Variants in TTC7A observed in about 807,000 individuals in gnomAD.
TTC7A encodes tetratricopeptide repeat domain 7A, also known as tetratricopeptide repeat protein 7A.
Under a neutral mutation model 103.7 loss-of-function variants are expected in TTC7A, and 110 were observed. That is an observed-to-expected ratio of 1.06 (90% CI 0.91 to 1.24). The LOEUF (loss-of-function observed/expected upper bound fraction) is 1.24, where lower values mean the gene tolerates loss of function less well. Ranked by LOEUF, TTC7A falls within the 50% of genes most tolerant of loss-of-function variation. The pLI is 0.00. For synonymous variants in TTC7A, 521 were observed against 467.9 expected (o/e 1.11, Z -1.47); for missense variants, 1,340 against 1,116.3 (o/e 1.20, Z -2.86).
intron 4 of TTC7A, among the ~76,000 whole-genome samples, chr2:46,978,575 A>AAAAAAAAAAG (rs59387934): frequency 6.6e-6 from 1 of 151,346 alleles, no homozygotes; most frequent in Non-Finnish European, 1.5e-5. Flanking sequence ...AAAAAAAAAA[A>AAAAAAAAAAG]GACAGAGGGC....
chr2:47,049,912 C>G (rs1224449276), intron 16 of TTC7A, 37 bp from the exon 17 acceptor site: 3 of 1,548,976 alleles, frequency 1.9e-6, no homozygotes, highest in East Asian at 2.2e-5. Flanking sequence ...TGCTAGCCCT[C>G]TACCTTACCG....
intron 3 of TTC7A, among the ~76,000 whole-genome samples, chr2:46,972,675 G>A (rs553163922): frequency 6.6e-6 from 1 of 152,370 alleles, no homozygotes; most frequent in African/African-American, 2.4e-5. Flanking sequence ...ACTGATAAAT[G>A]GGAAAGTGGG....
At chr2:46,951,963 G>C (rs1671455853) in intron 2 of TTC7A, among the ~76,000 whole-genome samples, 1 of 152,220 alleles carries the variant, frequency 6.6e-6, no homozygotes, top group East Asian at 1.9e-4. Context: ...ATGCTCTTTG[G>C]GGATAAGCAG....
chr2:47,015,705 T>C (rs2104511483), intron 11 of TTC7A, among the ~76,000 whole-genome samples: 1 of 152,320 alleles, frequency 6.6e-6, no homozygotes, highest in South Asian at 2.1e-4. Context: ...TTACAGCCCC[T>C]TGAAAATAGC....
chr2:47,047,475 T>C, intron 16 of TTC7A: 1 of 609,384 alleles, frequency 1.6e-6, no homozygotes, highest in Non-Finnish European at 2.9e-6. Context: ...AGAATGAGAA[T>C]TTGAAGCCAC....
intron 2 of TTC7A, among the ~76,000 whole-genome samples, chr2:46,924,236 CA>C (rs754779483): frequency 1.2e-3 from 167 of 142,364 alleles, no homozygotes; most frequent in Middle Eastern, 3.8e-3. Context: ...CTAAAGGAAC[CA>C]AAAAAAAAAA....
chr2:46,953,749 A>G (rs1300269330), intron 2 of TTC7A, among the ~76,000 whole-genome samples: 2 of 151,856 alleles, frequency 1.3e-5, no homozygotes, highest in African/African-American at 4.8e-5. Flanking sequence ...GCACCATCGC[A>G]TGCAGGCCTC....
chr2:47,059,916 G>T (rs1469994256), intron 18 of TTC7A, among the ~76,000 whole-genome samples: 1 of 152,108 alleles, frequency 6.6e-6, no homozygotes, highest in African/African-American at 2.4e-5. Context: ...CGGCATTTTG[G>T]GAGACTGAGG....
intron 14 of TTC7A, among the ~76,000 whole-genome samples, chr2:47,028,882 A>G (rs1482318605): frequency 6.6e-6 from 1 of 152,134 alleles, no homozygotes; most frequent in Admixed American, 6.5e-5. Flanking sequence ...CCTGGAAGGC[A>G]GGGTCTCCTG....
chr2:46,951,312 G>GA (rs941436371), intron 2 of TTC7A, among the ~76,000 whole-genome samples: 41 of 142,774 alleles, frequency 2.9e-4, no homozygotes, highest in Admixed American at 6.3e-4. Flanking sequence ...GCAATTAAGA[G>GA]AAAAAAAAAA....
chr2:46,927,530 T>G (rs1669453739), intron 2 of TTC7A, among the ~76,000 whole-genome samples: 2 of 151,420 alleles, frequency 1.3e-5, no homozygotes, highest in African/African-American at 4.9e-5. Flanking sequence ...CTAATTTTGT[T>G]TTTGTGTTTT....
At chr2:46,954,674 C>CG (rs1671694794) in intron 2 of TTC7A, among the ~76,000 whole-genome samples, 1 of 149,470 alleles carries the variant, frequency 6.7e-6, no homozygotes, top group South Asian at 2.1e-4. Context: ...CGGGTTCAAG[C>CG]GATTCTTCTG....
intron 17 of TTC7A, among the ~76,000 whole-genome samples, chr2:47,051,022 C>A (rs976902244): frequency 1.3e-5 from 2 of 152,182 alleles, no homozygotes; most frequent in Non-Finnish European, 2.9e-5. Flanking sequence ...TGAACCGGAG[C>A]CCATGTCACC....
intron 2 of TTC7A, among the ~76,000 whole-genome samples, chr2:46,927,298 A>G (rs1669436411): frequency 6.6e-6 from 1 of 152,144 alleles, no homozygotes; most frequent in Admixed American, 6.6e-5. Flanking sequence ...AAGCACATTA[A>G]AATAAGTCTG....
chr2:46,995,751 T>G (rs1416479505), intron 8 of TTC7A, among the ~76,000 whole-genome samples: 11 of 152,240 alleles, frequency 7.2e-5, no homozygotes. Flanking sequence ...AGCTATTTAT[T>G]GAGCATCTAC....
intron 1 of TTC7A, among the ~76,000 whole-genome samples, chr2:46,942,715 A>G (rs1166763172): frequency 6.6e-6 from 1 of 152,132 alleles, no homozygotes; most frequent in African/African-American, 2.4e-5. Flanking sequence ...AAGTTGTGGA[A>G]CCAGGATTTG....
chr2:46,972,485 A>C (rs1227470809), intron 3 of TTC7A, among the ~76,000 whole-genome samples: 1 of 152,208 alleles, frequency 6.6e-6, no homozygotes, highest in Admixed American at 6.5e-5. Context: ...GGTTTTCTCT[A>C]ACATTTCTAA....
chr2:46,957,772 G>A (rs1011463265), intron 3 of TTC7A, among the ~76,000 whole-genome samples: 5 of 152,168 alleles, frequency 3.3e-5, no homozygotes, highest in Non-Finnish European at 4.4e-5. Context: ...CCCTGGCTGC[G>A]GGAGCCCCTC....
chr2:47,021,193 G>A (rs1679238880), intron 11 of TTC7A, among the ~76,000 whole-genome samples: 1 of 152,216 alleles, frequency 6.6e-6, no homozygotes, highest in Middle Eastern at 3.2e-3. Flanking sequence ...CTTTCTTGGA[G>A]GCATGTGTGC....
Sources: gnomAD v4.1 joint callset for allele counts (sites outside exome capture counted in the v4.1 genomes callset) on GRCh38, gnomAD v4.1.1 for gene constraint, MANE v1.5 for transcripts, NCBI Gene and HGNC (gene_info 2026-07-23, HGNC 2026-07-21) for gene names.